Variants in PRKAR2A observed in about 807,000 individuals in gnomAD.
The protein encoded by PRKAR2A is protein kinase cAMP-dependent type II regulatory subunit alpha.
A neutral mutation model predicts 51.9 loss-of-function variants in PRKAR2A; 29 were observed. The observed-to-expected ratio is 0.56, with a 90% CI of 0.42 to 0.76. The LOEUF (loss-of-function observed/expected upper bound fraction) is 0.76. Among genes scored for constraint, PRKAR2A ranks in the 30% least tolerant of loss-of-function variants. The pLI, the probability that PRKAR2A is intolerant of heterozygous loss-of-function variation, is 0.00. For missense variants in PRKAR2A, 445 were observed against 512.1 expected (o/e 0.87, Z 1.26); for synonymous variants, 178 against 186.2 (o/e 0.96, Z 0.36).
intron 6 of PRKAR2A, among the ~76,000 whole-genome samples, chr3:48,768,310 T>TAGAC (rs1480124965): frequency 4.1e-5 from 6 of 147,208 alleles, no homozygotes; most frequent in Non-Finnish European, 6.0e-5. Flanking sequence ...GATAGATAGA[T>TAGAC]AGATAGATAG....
intron 1 of PRKAR2A, among the ~76,000 whole-genome samples, chr3:48,832,019 TGGGGC>T (rs1344535784): frequency 6.6e-6 from 1 of 151,790 alleles, no homozygotes; most frequent in African/African-American, 2.4e-5. Context: ...TTAGGCCGGG[TGGGGC>T]GGCTCACGCC....
chr3:48,806,687 T>C (rs1262600549), intron 2 of PRKAR2A, among the ~76,000 whole-genome samples: 1 of 152,028 alleles, frequency 6.6e-6, no homozygotes, highest in Non-Finnish European at 1.5e-5. Flanking sequence ...TTTAAAATAA[T>C]ATGGACTATA....
At chr3:48,832,668 A>AT (rs904990702) in intron 1 of PRKAR2A, among the ~76,000 whole-genome samples, 310 of 150,496 alleles carry the variant, frequency 2.1e-3, no homozygotes, top group African/African-American at 5.7e-3. Context: ...TTACAAAACG[A>AT]TTTTTTTTTT....
intron 2 of PRKAR2A, among the ~76,000 whole-genome samples, chr3:48,799,086 T>G (rs1337297313): frequency 6.6e-6 from 1 of 152,216 alleles, no homozygotes. Context: ...AAAATCCATT[T>G]TACAGTACCT....
chr3:48,845,618 A>G (rs1239154163), intron 1 of PRKAR2A, among the ~76,000 whole-genome samples: 1 of 152,224 alleles, frequency 6.6e-6, no homozygotes, highest in Non-Finnish European at 1.5e-5. Flanking sequence ...AAACTGTAAT[A>G]GCTTCTTAAC....
chr3:48,843,195 C>T (rs1195874001), intron 1 of PRKAR2A, among the ~76,000 whole-genome samples: 1 of 152,064 alleles, frequency 6.6e-6, no homozygotes, highest in Non-Finnish European at 1.5e-5. Context: ...AGTTTATTTG[C>T]GTAGAGGTGT....
At chr3:48,841,026 C>T (rs529625914) in intron 1 of PRKAR2A, among the ~76,000 whole-genome samples, 200 of 150,702 alleles carry the variant, frequency 1.3e-3, no homozygotes, top group Non-Finnish European at 1.6e-3. Flanking sequence ...GGATTACAGG[C>T]GCACACCACC....
intron 2 of PRKAR2A, among the ~76,000 whole-genome samples, chr3:48,803,486 G>A (rs2082623363): frequency 2.0e-5 from 3 of 152,124 alleles, no homozygotes; most frequent in Non-Finnish European, 2.9e-5. Flanking sequence ...GTGCAATGGC[G>A]AAAGCTCAGC....
chr3:48,779,386 C>T (rs959160202), intron 5 of PRKAR2A, among the ~76,000 whole-genome samples: 3 of 152,052 alleles, frequency 2.0e-5, no homozygotes, highest in African/African-American at 7.3e-5. Flanking sequence ...GCTTATTTCC[C>T]AGATCATAAG....
intron 9 of PRKAR2A, among the ~76,000 whole-genome samples, chr3:48,752,675 T>A (rs528022717): frequency 2.0e-5 from 3 of 152,160 alleles, no homozygotes; most frequent in African/African-American, 7.2e-5. Flanking sequence ...AACAACATTT[T>A]ACAGTGACAA....
intron 1 of PRKAR2A, among the ~76,000 whole-genome samples, chr3:48,817,617 A>G (rs1291158183): frequency 1.3e-5 from 2 of 151,420 alleles, no homozygotes; most frequent in Non-Finnish European, 2.9e-5. Context: ...ATTGCGCTCC[A>G]GCCTGGGCAA....
intron 1 of PRKAR2A, among the ~76,000 whole-genome samples, chr3:48,836,430 AAAAAAAAAAAAAAAG>A (rs2083286335): frequency 7.2e-6 from 1 of 138,120 alleles, no homozygotes; most frequent in African/African-American, 2.7e-5. Flanking sequence ...AAAAAAAAAA[AAAAAAAAAAAAAAAG>A]AAGAAGAAAG....
intron 10 of PRKAR2A, 77 bp downstream of exon 10, chr3:48,752,099 T>C (rs754584965): frequency 1.2e-4 from 185 of 1,508,076 alleles, no homozygotes; most frequent in Non-Finnish European, 1.6e-4. Context: ...GATGGCAGAA[T>C]ATGTCAAGGC....
chr3:48,753,292 G>T (rs1033021765), intron 9 of PRKAR2A, among the ~76,000 whole-genome samples: 2 of 150,620 alleles, frequency 1.3e-5, no homozygotes, highest in African/African-American at 4.9e-5. Flanking sequence ...AATATCTAGA[G>T]GTTTTTTTTT....
At chr3:48,793,694 A>G (rs1315512247) in intron 3 of PRKAR2A, among the ~76,000 whole-genome samples, 1 of 151,378 alleles carries the variant, frequency 6.6e-6, no homozygotes, top group Non-Finnish European at 1.5e-5. Context: ...GTCTTGCTAT[A>G]TTGTCCAGGC....
chr3:48,826,221 G>A (rs530699581), intron 1 of PRKAR2A, among the ~76,000 whole-genome samples: 1 of 152,126 alleles, frequency 6.6e-6, no homozygotes, highest in Non-Finnish European at 1.5e-5. Flanking sequence ...AGCTATGATC[G>A]CACCACTGCA....
chr3:48,826,262 G>A (rs1056384230), intron 1 of PRKAR2A, among the ~76,000 whole-genome samples: 5 of 152,068 alleles, frequency 3.3e-5, no homozygotes, highest in Admixed American at 3.3e-4. Context: ...GAAGACCCTT[G>A]TCTCAAAAAA....
chr3:48,763,352 C>T (rs1017097210), intron 8 of PRKAR2A, among the ~76,000 whole-genome samples: 4 of 152,084 alleles, frequency 2.6e-5, no homozygotes, highest in Admixed American at 6.6e-5. Context: ...TTCTGTACCA[C>T]TACCTATCTA....
In PRKAR2A at chr3:48,746,787, A is replaced by C. The variant is rs2081567518; in HGVS notation, c.*4798T>G. On this transcript the variant is annotated 3_prime_UTR_variant, in exon 11 of 11. Coordinates refer to ENST00000265563, the MANE Select transcript of PRKAR2A (RefSeq NM_004157.4). Reference sequence around the variant, plus strand: ...TGAGATTAAAATACAAGATTAAAACAGATTAAAATAAAATTCACTCCAAGA... The same window carrying C: ...TGAGATTAAAATACAAGATTAAAACCGATTAAAATAAAATTCACTCCAAGA... The C allele has an allele frequency of 6.6e-6, 1 of 152,260 alleles. No homozygotes were observed. The highest frequency in any genetic ancestry group is 2.1e-4 in the South Asian group (1 of 4,838). 9.4% of individuals were successfully genotyped at this position (152,260 alleles called of 1,614,324 possible). A position where few individuals can be genotyped will look rare whatever the true frequency, so the allele number is the denominator to read the frequency against.
Sources: gnomAD v4.1 joint callset for allele counts (sites outside exome capture counted in the v4.1 genomes callset) on GRCh38, gnomAD v4.1.1 for gene constraint, MANE v1.5 for transcripts, NCBI Gene and HGNC (gene_info 2026-07-23, HGNC 2026-07-21) for gene names.